Variants in LTA4H observed in about 807,000 individuals in gnomAD.
LTA4H encodes leukotriene A-4 hydrolase.
LTA4H carries 59 observed loss-of-function variants against 89.8 expected under a neutral mutation model. The ratio of observed to expected loss-of-function variants is 0.66; its 90% CI spans 0.53 to 0.82. The LOEUF (loss-of-function observed/expected upper bound fraction) is 0.82, where lower values mean the gene tolerates loss of function less well. Ranked by LOEUF, LTA4H falls within the 40% of genes least tolerant of loss-of-function variation. The pLI, the probability that LTA4H is intolerant of heterozygous loss-of-function variation, is 0.00. For synonymous variants in LTA4H, 227 were observed against 253.1 expected (o/e 0.90, Z 0.98); for missense variants, 617 against 727.0 (o/e 0.85, Z 1.74).
chr12:96,021,113 C>A lies in LTA4H; in HGVS notation c.610G>T (p.Ala204Ser). ...CTTTCTAAAGCTCCAACAACTAAAG[C>A]AATCAGGTAGCAGGGTATTGGAACC... ...QKVPIPCYLI[A>S]LVVGALESRQ... Residue 204 changes from alanine to serine, a missense_variant, in exon 6 of 19, where the codon GCT (alanine) becomes TCT (serine). Ala to Ser is a moderately conservative substitution (Grantham distance 99). Transcript: ENST00000228740. The A allele has an allele frequency of 6.2e-7, 1 of 1,601,114 alleles. No individual in the cohort carries two copies. Among genetic ancestry groups the A allele is most frequent in the Non-Finnish European group, 8.5e-7 (1 of 1,176,146 alleles).
At chr12:96,006,433 T>C (rs745898745) in intron 15 of LTA4H, 24 bp from the exon 16 acceptor site, 75 of 1,433,540 alleles carry the variant, frequency 5.2e-5, no homozygotes, top group Non-Finnish European at 6.7e-5. Flanking sequence ...TACCTAGTTA[T>C]TTTTGTTCAA....
intron 3 of LTA4H, 101 bp downstream of exon 3, chr12:96,027,343 G>A (rs1014280461): frequency 4.2e-5 from 43 of 1,014,556 alleles, no homozygotes; most frequent in Non-Finnish European, 5.7e-5. Context: ...ATTTTATTAG[G>A]TAAAACCTAC....
intron 4 of LTA4H, among the ~76,000 whole-genome samples, chr12:96,024,092 G>A (rs1271063891): frequency 6.6e-6 from 1 of 151,890 alleles, no homozygotes; most frequent in Non-Finnish European, 1.5e-5. Flanking sequence ...ACCATGCCCG[G>A]CTAATTTTTT....
intron 15 of LTA4H, among the ~76,000 whole-genome samples, chr12:96,007,482 G>A (rs1214677590): frequency 1.3e-5 from 2 of 152,170 alleles, no homozygotes; most frequent in Non-Finnish European, 2.9e-5. Flanking sequence ...CAGAGGTACC[G>A]CTAAGATTTT....
chr12:96,018,923 A>G lies in LTA4H; in HGVS notation c.712-20T>C. Reference sequence around the variant, plus strand: ...TTCAGTCTGAAAAATCAACATATATATGTCTGTATGCCTTAATTATCACCA... The same window carrying G: ...TTCAGTCTGAAAAATCAACATATATGTGTCTGTATGCCTTAATTATCACCA... On this transcript the variant is annotated intron_variant, in intron 7 of 18. Coordinates refer to ENST00000228740, the MANE Select transcript of LTA4H (RefSeq NM_000895.3). 6.4e-7 allele frequency: 1 copy of G among 1,554,382 alleles called. No individual in the cohort carries two copies. The highest frequency in any genetic ancestry group is 8.7e-7 in the Non-Finnish European group (1 of 1,151,768).
rs533557239 is a variant in LTA4H at position 96,043,196 on chromosome 12, A to G, written c.87+93T>C. The G allele has an allele frequency of 7.8e-6, 7 of 892,316 alleles. No individual in the cohort carries two copies. In the African/African-American group the frequency reaches 8.3e-5, roughly 11 times the overall value. 55.3% of individuals were successfully genotyped at this position (892,316 alleles called of 1,614,324 possible). On this transcript the variant is annotated intron_variant, in intron 1 of 17. Transcript: ENST00000413268. ...CTGCAGTAGTTGGCAAAGTGAGAAC[A>G]TGTCGGGTAGACCCGGGAGGTGAAT...
At chr12:96,015,508 A>T in intron 11 of LTA4H, 75 bp downstream of exon 11, 1 of 1,030,226 alleles carries the variant, frequency 9.7e-7, no homozygotes, top group Non-Finnish European at 1.5e-6. Context: ...CACAGTAAAG[A>T]CGCTTTTATA....
At chr12:96,002,850 T>C (rs1950127240) in intron 18 of LTA4H, 110 bp downstream of exon 18, 3 of 718,400 alleles carry the variant, frequency 4.2e-6, no homozygotes, top group Non-Finnish European at 6.9e-6. Flanking sequence ...ATTATACTGA[T>C]AAACTTTAAC....
intron 16 of LTA4H, among the ~76,000 whole-genome samples, chr12:96,004,682 C>A (rs956065763): frequency 6.6e-6 from 1 of 152,196 alleles, no homozygotes; most frequent in Non-Finnish European, 1.5e-5. Flanking sequence ...CCTTACCTTA[C>A]AGGACTCCAC....
Position 96,035,346 on chromosome 12 carries a change from G to A in LTA4H, c.159+15C>T. 6.3e-7 allele frequency: 1 copy of A among 1,585,362 alleles called. No homozygotes were observed. The highest frequency in any genetic ancestry group is 8.6e-7 in the Non-Finnish European group (1 of 1,161,590). ...GCCCGGGAGAGGCGGGCACTGGGCA[G>A]GCGCCCCACTGTACCAGGCTGCGCA... On this transcript the variant is annotated intron_variant, in intron 1 of 18. Coordinates refer to ENST00000228740, the MANE Select transcript of LTA4H (RefSeq NM_000895.3).
chr12:96,012,251 A>G (rs908602215), intron 14 of LTA4H: 2 of 152,360 alleles, frequency 1.3e-5, no homozygotes, highest in East Asian at 3.9e-4. Flanking sequence ...CTGAACATCA[A>G]TTAAACTGGC....
chr12:96,035,593 G>C, upstream of LTA4H: 1 of 1,494,814 alleles, frequency 6.7e-7, no homozygotes, highest in Non-Finnish European at 9.0e-7. Flanking sequence ...TAGAGAACCT[G>C]AGGAGGAGGG....
chr12:96,041,884 G>T (rs577383625), intron 1 of LTA4H, among the ~76,000 whole-genome samples: 6 of 151,656 alleles, frequency 4.0e-5, no homozygotes, highest in South Asian at 2.1e-4. Context: ...CTCGTGATCC[G>T]CCCACCTCAG....
intron 1 of LTA4H, among the ~76,000 whole-genome samples, chr12:96,033,139 AC>A (rs1950593538): frequency 6.6e-6 from 1 of 152,222 alleles, no homozygotes; most frequent in African/African-American, 2.4e-5. Flanking sequence ...ATTTTACAAA[AC>A]AAAGGTAAGT....
At chr12:96,004,110 T>G (rs965414651) in intron 16 of LTA4H, 190 bp from the exon 17 acceptor site, 7 of 372,774 alleles carry the variant, frequency 1.9e-5, no homozygotes, top group Non-Finnish European at 2.9e-5. Context: ...GATGAGGATA[T>G]TCTACTGGGA....
intron 6 of LTA4H, among the ~76,000 whole-genome samples, chr12:96,020,470 A>T (rs1566011845): frequency 1.3e-5 from 2 of 152,206 alleles, no homozygotes; most frequent in East Asian, 1.9e-4. Flanking sequence ...GTTACCAAGG[A>T]CTGGGCGGTG....
At chr12:96,021,802 G>A (rs1950456642) in intron 5 of LTA4H, among the ~76,000 whole-genome samples, 1 of 152,064 alleles carries the variant, frequency 6.6e-6, no homozygotes, top group African/African-American at 2.4e-5. Flanking sequence ...TCCTCCATTT[G>A]TAAACACTCT....
upstream of LTA4H, chr12:96,035,608 AG>A: frequency 6.8e-7 from 1 of 1,467,206 alleles, no homozygotes. Flanking sequence ...GGAGGGAGAG[AG>A]GTAAAGAAGA....
chr12:96,001,166 A>C (rs1592858891), intron 18 of LTA4H, 60 bp from the exon 19 acceptor site: 3 of 1,017,920 alleles, frequency 2.9e-6, no homozygotes, highest in East Asian at 2.4e-5. Flanking sequence ...AGGAGGAGAA[A>C]GGGAGGGAGA....
Sources: gnomAD v4.1 joint callset for allele counts (sites outside exome capture counted in the v4.1 genomes callset) on GRCh38, gnomAD v4.1.1 for gene constraint, MANE v1.5 for transcripts, NCBI Gene and HGNC (gene_info 2026-07-23, HGNC 2026-07-21) for gene names.